Variants in PDE4D observed in about 807,000 individuals in gnomAD.
PDE4D encodes the protein 3',5'-cyclic-AMP phosphodiesterase 4D.
In PDE4D, 24 loss-of-function variants were observed where a neutral mutation model predicts 87.4. The ratio of observed to expected loss-of-function variants is 0.27; its 90% CI spans 0.20 to 0.39. The LOEUF (loss-of-function observed/expected upper bound fraction) is 0.39, where lower values mean the gene tolerates loss of function less well. Ranked by LOEUF, PDE4D falls within the 10% of genes least tolerant of loss-of-function variation. PDE4D has a pLI of 1.00. For missense variants in PDE4D, 714 were observed against 1,041.0 expected (o/e 0.69, Z 4.32); for synonymous variants, 384 against 383.2 (o/e 1.00, Z -0.02).
chr5:59,039,354 G>A (rs780337173), intron 5 of PDE4D: 849 of 1,032,826 alleles, frequency 8.2e-4, no homozygotes, highest in Non-Finnish European at 8.9e-4. Flanking sequence ...GGTGGCGAGC[G>A]CGCTTGGGTG....
intron 1 of PDE4D, among the ~76,000 whole-genome samples, chr5:60,221,770 C>T (rs1744521630): frequency 6.6e-6 from 1 of 152,088 alleles, no homozygotes; most frequent in African/African-American, 2.4e-5. Flanking sequence ...AACTTTATTG[C>T]ATTCATTAGT....
At chr5:60,202,331 T>A (rs1742010514) in intron 1 of PDE4D, among the ~76,000 whole-genome samples, 1 of 152,014 alleles carries the variant, frequency 6.6e-6, no homozygotes, top group Admixed American at 6.5e-5. Flanking sequence ...CTGGGCTAAT[T>A]TTTTTAAAAA....
intron 1 of PDE4D, among the ~76,000 whole-genome samples, chr5:59,842,418 A>G (rs908041194): frequency 6.6e-6 from 1 of 152,034 alleles, no homozygotes; most frequent in Non-Finnish European, 1.5e-5. Flanking sequence ...AAAAGTACCA[A>G]TGAAATAAAA....
At chr5:59,962,904 C>G (rs1759632677) in intron 3 of PDE4D, among the ~76,000 whole-genome samples, 1 of 152,074 alleles carries the variant, frequency 6.6e-6, no homozygotes, top group South Asian at 2.1e-4. Flanking sequence ...TATTTTTGCT[C>G]TTAAAGGGAA....
At chr5:59,849,742 T>C (rs1445252451) in intron 1 of PDE4D, among the ~76,000 whole-genome samples, 2 of 152,062 alleles carry the variant, frequency 1.3e-5, no homozygotes, top group African/African-American at 4.8e-5. Flanking sequence ...AGAGATAATT[T>C]CTGAAGTGTC....
intron 1 of PDE4D, among the ~76,000 whole-genome samples, chr5:59,663,843 C>T (rs1745644781): frequency 6.6e-6 from 1 of 152,112 alleles, no homozygotes; most frequent in South Asian, 2.1e-4. Flanking sequence ...GCCTGATGGG[C>T]CTGACAAAGG....
At chr5:60,279,301 C>G (rs567169570) in intron 1 of PDE4D, among the ~76,000 whole-genome samples, 1 of 152,278 alleles carries the variant, frequency 6.6e-6, no homozygotes, top group Admixed American at 6.5e-5. Flanking sequence ...AAAGAGCACC[C>G]TATTACTTCC....
chr5:59,124,990 T>C (rs575321478), intron 5 of PDE4D, among the ~76,000 whole-genome samples: 126 of 152,302 alleles, frequency 8.3e-4, no homozygotes, highest in East Asian at 1.7e-3. Context: ...CTTTTCTTTT[T>C]TTTTCAAATT....
At chr5:59,280,657 AGAGCAAT>A (rs1435052127) in intron 1 of PDE4D, among the ~76,000 whole-genome samples, 1 of 152,130 alleles carries the variant, frequency 6.6e-6, no homozygotes, top group African/African-American at 2.4e-5. Context: ...ATGTAAACAA[AGAGCAAT>A]GAGTGTAATA....
At chr5:60,467,153 C>T (rs2150183785) in intron 1 of PDE4D, among the ~76,000 whole-genome samples, 1 of 152,106 alleles carries the variant, frequency 6.6e-6, no homozygotes, top group East Asian at 1.9e-4. Context: ...TATTCTCCTG[C>T]CTCAGCCTCC....
rs186934819 is a variant in PDE4D at position 60,073,181 on chromosome 5, G to A, written c.43-84464C>T. ...GATAACTCTTATTTTTCTGAGGTAC[G>A]TTCCTTCAGTACCTAGGTGGTTGAG... On this transcript the variant is annotated intron_variant, in intron 2 of 16. Coordinates refer to the PDE4D transcript ENST00000502484. Among the ~76,000 whole-genome samples, 324 of 152,158 alleles carry A rather than the reference G, an allele frequency of 2.1e-3. 3 individuals carry two copies. The highest frequency in any genetic ancestry group is 7.9e-4 in the Non-Finnish European group (54 of 67,978).
At chr5:59,769,964 T>C (rs1504982) in intron 1 of PDE4D, among the ~76,000 whole-genome samples, 74,517 of 151,944 alleles carry the variant, frequency 0.49, 19,334 homozygotes, top group African/African-American at 0.63. Context: ...CAATTCCTTG[T>C]CTTTTAAATG....
At chr5:59,757,034 G>A (rs1761349126) in intron 1 of PDE4D, among the ~76,000 whole-genome samples, 1 of 152,096 alleles carries the variant, frequency 6.6e-6, no homozygotes, top group Admixed American at 6.6e-5. Context: ...CTGACCTCAA[G>A]TGATCCACGT....
chr5:60,071,248 G>A (rs1385933120), intron 2 of PDE4D, among the ~76,000 whole-genome samples: 1 of 151,586 alleles, frequency 6.6e-6, no homozygotes, highest in Non-Finnish European at 1.5e-5. Flanking sequence ...TTAGTCTGTT[G>A]TTATTGTTCT....
intron 1 of PDE4D, among the ~76,000 whole-genome samples, chr5:59,791,800 G>A (rs1053050153): frequency 6.6e-6 from 1 of 152,084 alleles, no homozygotes; most frequent in Non-Finnish European, 1.5e-5. Flanking sequence ...TGCTGCTTCT[G>A]CCACTCACTC....
chr5:59,046,420 ATGTG>A (rs34085161), intron 5 of PDE4D, among the ~76,000 whole-genome samples: 94 of 143,434 alleles, frequency 6.6e-4, no homozygotes, highest in Admixed American at 1.2e-3. Context: ...GAGAGAGAGA[ATGTG>A]TGTGTGTGTG....
intron 1 of PDE4D, among the ~76,000 whole-genome samples, chr5:59,426,747 T>C (rs1250212291): frequency 2.0e-5 from 3 of 151,992 alleles, no homozygotes; most frequent in Non-Finnish European, 2.9e-5. Context: ...GTGGCTACTG[T>C]CTCACCACAT....
chr5:58,985,560 C>CGTAGG (rs527402916), intron 11 of PDE4D, among the ~76,000 whole-genome samples: 1 of 152,242 alleles, frequency 6.6e-6, no homozygotes, highest in South Asian at 2.1e-4. Flanking sequence ...TCAGTGCTTC[C>CGTAGG]GTAGCTTCCT....
chr5:59,205,748 T>G (rs1386728423), intron 2 of PDE4D, among the ~76,000 whole-genome samples: 3 of 151,420 alleles, frequency 2.0e-5, no homozygotes, highest in African/African-American at 7.3e-5. Context: ...AAATTCAATT[T>G]GAAGTTCTGT....
Sources: allele counts gnomAD v4.1 joint callset (sites outside exome capture counted in the v4.1 genomes callset), GRCh38; gene constraint gnomAD v4.1.1; transcripts MANE v1.5; gene names NCBI Gene and HGNC (gene_info 2026-07-23, HGNC 2026-07-21).